Variants in DIS3 observed in about 807,000 individuals in gnomAD.
DIS3 encodes the protein DIS3 exosome endoribonuclease and 3'-5' exoribonuclease.
Under a neutral mutation model 113.0 loss-of-function variants are expected in DIS3, and 103 were observed. The ratio of observed to expected loss-of-function variants is 0.91; its 90% CI spans 0.78 to 1.07. The LOEUF is 1.07. Ranked by LOEUF, DIS3 falls within the 50% of genes least tolerant of loss-of-function variation. The pLI, the probability that DIS3 is intolerant of heterozygous loss-of-function variation, is 0.00. For synonymous variants in DIS3, 402 were observed against 394.3 expected (o/e 1.02, Z -0.23); for missense variants, 1,121 against 1,167.1 (o/e 0.96, Z 0.58).
chr13:72,763,607 C>T lies in DIS3; in HGVS notation c.1971G>A (p.Arg657=), dbSNP rs1383879280. Residue 657 remains arginine, a splice_region_variant and synonymous_variant, in exon 16 of 21, where the codon AGG becomes AGA. Coordinates refer to ENST00000377767, the MANE Select transcript of DIS3 (RefSeq NM_014953.5). ...ATTCTTCAACCATGGAATTTGTTTC[C>T]CTGCCAATGGAAAAAGCATTAAACA... ...DPIDLQTKEL[R]ETNSMVEEFM... The T allele has an allele frequency of 6.2e-7, 1 of 1,607,780 alleles. No homozygotes were observed. Among genetic ancestry groups the T allele is most frequent in the African/African-American group, 1.3e-5 (1 of 74,570 alleles).
At chr13:72,767,208 A>G (rs980669535) in intron 14 of DIS3, among the ~76,000 whole-genome samples, 1 of 152,166 alleles carries the variant, frequency 6.6e-6, no homozygotes, top group African/African-American at 2.4e-5. Context: ...AAATGATTCA[A>G]TGATGTTTTC....
rs370191796 is a variant in DIS3, at chr13:72,771,874, A to G, written c.1526T>C (p.Val509Ala). ...NLEVGVHIAD[V>A]SHFIRPGNAL... ...ATTTCCTGGCCTAATAAAATGGCTC[A>G]CATCAGCAATATGAACACCAACCTT... is the stretch of plus-strand genomic sequence containing the variant. The change falls in exon 11 of 21, where the codon GTG becomes GCG. Residue 509 changes from valine to alanine, a missense_variant. This residue lies in a region of DIS3 where 861 missense variants were observed against 915.5 expected (regional missense o/e 0.94). Transcript: ENST00000377767. 7 of 1,613,652 alleles carry G rather than the reference A, an allele frequency of 4.3e-6. No individual in the cohort carries two copies. Among genetic ancestry groups the G allele is most frequent in the Non-Finnish European group, 5.9e-6 (7 of 1,179,896 alleles).
At position 72,752,556 on chromosome 13, in the gene DIS3, G is replaced by C. The variant is rs976411798; in HGVS notation, c.*7239C>G. 2.0e-5 allele frequency: 3 copies of C among 152,210 alleles called. No individual in the cohort carries two copies. Among genetic ancestry groups the C allele is most frequent in the Admixed American group, 2.0e-4 (3 of 15,280 alleles). The allele number at this position is 152,210 out of a possible 1,614,324, so 9.4% of individuals were successfully genotyped here. On this transcript the variant is annotated 3_prime_UTR_variant, in exon 21 of 21. Coordinates refer to ENST00000377767, the MANE Select transcript of DIS3 (RefSeq NM_014953.5). The stretch of plus-strand genomic sequence containing the variant: ...CATTATAAGCCAGCTATTTGGCAGT[G>C]ATGAATATTAGAAGGAAGAGCTATT...
chr13:72,771,033 A>C, intron 12 of DIS3, 45 bp from the exon 13 acceptor site: 1 of 1,609,304 alleles, frequency 6.2e-7, no homozygotes, highest in Non-Finnish European at 8.5e-7. Flanking sequence ...AATCAGGTTA[A>C]AGTAGTAAAT....
chr13:72,761,811 G>C lies in DIS3; in HGVS notation c.2346C>G (p.Tyr782Ter), dbSNP rs554549593. Residue 782 changes from tyrosine (Y) to a stop codon, truncating the protein, a stop_gained, in exon 18 of 21, where the codon TAC becomes TAG. Coordinates refer to ENST00000377767, the MANE Select transcript of DIS3 (RefSeq NM_014953.5). LOFTEE classifies it high-confidence loss of function. ...AAAGCCGATGAACAATGACATCTGC[G>C]TATCTAGATAGATGGAAAAATAAGA... ...YTHFTSPIRR[Y>*]ADVIVHRLLA... 4 of 1,610,752 alleles carry C rather than the reference G, an allele frequency of 2.5e-6. No individual in the cohort carries two copies. Among genetic ancestry groups the C allele is most frequent in the East Asian group, 4.5e-5 (2 of 44,856 alleles).
chr13:72,765,760 T>G (rs1004351098), intron 15 of DIS3, among the ~76,000 whole-genome samples: 3 of 152,208 alleles, frequency 2.0e-5, no homozygotes, highest in African/African-American at 7.2e-5. Flanking sequence ...AAATTCAAAT[T>G]GAAAGTTTTT....
chr13:72,776,934 T>C (rs1223369010), intron 4 of DIS3, among the ~76,000 whole-genome samples: 1 of 152,214 alleles, frequency 6.6e-6, no homozygotes, highest in African/African-American at 2.4e-5. Flanking sequence ...CCATTACTTT[T>C]TCTTAGCCTG....
At position 72,760,545 on chromosome 13, in the gene DIS3, G is replaced by A; in HGVS notation, c.2777C>T (p.Ser926Phe). 3 of 1,613,504 alleles carry A rather than the reference G, an allele frequency of 1.9e-6. No homozygotes were observed. Among genetic ancestry groups the A allele is most frequent in the Non-Finnish European group, 2.5e-6 (3 of 1,179,660 alleles). Residue 926 changes from serine (S) to phenylalanine (F), a missense_variant, in exon 20 of 21, where the codon TCC becomes TTC. Around this residue, in one of 3 missense-constraint regions of DIS3, gnomAD observed 861 missense variants for 915.5 expected, o/e 0.94. Coordinates refer to ENST00000377767, the MANE Select transcript of DIS3 (RefSeq NM_014953.5). Reference sequence around the variant, plus strand: ...TGGCCTTACCTGTGGTTCTACCAGGGACATTCGGATCTTCTGATGTTGAAG... The same window carrying A: ...TGGCCTTACCTGTGGTTCTACCAGGAACATTCGGATCTTCTGATGTTGAAG... ...SNLQHQKIRM[S>F]LVEPQIPGIS... is the part of the protein sequence containing the mutation.
intron 11 of DIS3, 54 bp from the exon 12 acceptor site, chr13:72,771,199 T>A: frequency 7.2e-7 from 1 of 1,393,580 alleles, no homozygotes; most frequent in South Asian, 1.2e-5. Context: ...CATACATTTA[T>A]GTGAGGTTCT....
chr13:72,767,688 G>A (rs1025021714), intron 14 of DIS3, among the ~76,000 whole-genome samples: 1 of 152,168 alleles, frequency 6.6e-6, no homozygotes, highest in Non-Finnish European at 1.5e-5. Flanking sequence ...TGTGGCTATT[G>A]AGCACTTGAA....
intron 14 of DIS3, among the ~76,000 whole-genome samples, chr13:72,768,067 G>A (rs755731034): frequency 4.6e-5 from 7 of 152,102 alleles, no homozygotes; most frequent in Admixed American, 3.9e-4. Context: ...CTCCTTTTAT[G>A]CAACTTTTAA....
intron 2 of DIS3, among the ~76,000 whole-genome samples, chr13:72,779,943 ATTAT>A (rs1310207433): frequency 1.3e-5 from 2 of 152,190 alleles, no homozygotes; most frequent in Non-Finnish European, 2.9e-5. Flanking sequence ...CTCATCATAG[ATTAT>A]TTATGTAATA....
Position 72,772,304 on chromosome 13 carries a change from A to C in DIS3, c.1387-29T>G, listed in dbSNP as rs978964155. 6 of 1,511,116 alleles carry C rather than the reference A, an allele frequency of 4.0e-6. No homozygotes were observed. The African/African-American group carries it at 8.3e-5, about 21-fold the overall frequency. 93.6% of individuals were successfully genotyped at this position (1,511,116 alleles called of 1,614,324 possible). Reference sequence around the variant, plus strand: ...GAAGACATGAAATGATAAACAAATAAATTATTTCCAAAGCACAACTACAAC... The same window carrying C: ...GAAGACATGAAATGATAAACAAATACATTATTTCCAAAGCACAACTACAAC... On this transcript the variant is annotated intron_variant, in intron 9 of 20. Transcript: ENST00000377767.
rs540161006 is a variant in DIS3, at chr13:72,778,068, G to T, written c.580+119C>A. 16 of 883,256 alleles carry T rather than the reference G, an allele frequency of 1.8e-5. No homozygotes were observed. The Admixed American group carries it at 1.9e-4, about 10-fold the overall frequency. 54.7% of individuals were successfully genotyped at this position (883,256 alleles called of 1,614,324 possible). On this transcript the variant is annotated intron_variant, in intron 3 of 20. Transcript: ENST00000377767. The stretch of plus-strand genomic sequence containing the variant: ...ATTTAAAAATACAAAAATATCACAT[G>T]AAGTTATATAGGACTACGAAAATAC...
At chr13:72,776,244 G>T in intron 4 of DIS3, 152 bp from the exon 5 acceptor site, 3 of 695,474 alleles carry the variant, frequency 4.3e-6, no homozygotes, top group Non-Finnish European at 6.4e-6. Context: ...TTATAGGCCA[G>T]TGCTAACAAA....
intron 16 of DIS3, among the ~76,000 whole-genome samples, chr13:72,762,677 C>A (rs755602056): frequency 1.3e-5 from 2 of 152,148 alleles, no homozygotes; most frequent in Non-Finnish European, 2.9e-5. Context: ...GGGGTAAGCA[C>A]CCCTAAATGA....
At chr13:72,771,771 A>C (rs768713051) in intron 11 of DIS3, 24 bp downstream of exon 11, 12 of 1,606,884 alleles carry the variant, frequency 7.5e-6, no homozygotes, top group African/African-American at 1.3e-5. Context: ...ATGACTGTTA[A>C]ATTTTTAAAT....
chr13:72,764,155 AAAC>A (rs1471680324), intron 15 of DIS3, among the ~76,000 whole-genome samples: 1 of 152,138 alleles, frequency 6.6e-6, no homozygotes, highest in Non-Finnish European at 1.5e-5. Flanking sequence ...CTGTGTCAAA[AAAC>A]AACAACAAAA....
Position 72,755,809 on chromosome 13 carries a change from G to A in DIS3, c.*3986C>T. ...TTTTAAGTATGTAAATACTAGAAAG[G>A]TAGTACTAGTGACATCATCACGTGT... On this transcript the variant is annotated 3_prime_UTR_variant, in exon 21 of 21. Coordinates refer to ENST00000377767, the MANE Select transcript of DIS3 (RefSeq NM_014953.5). 2.5e-6 allele frequency: 1 copy of A among 398,524 alleles called. No homozygotes were observed. Among genetic ancestry groups the A allele is most frequent in the Non-Finnish European group, 4.4e-6 (1 of 226,062 alleles). The allele number at this position is 398,524 out of a possible 1,614,324, so 24.7% of individuals were successfully genotyped here. A position where few individuals can be genotyped will look rare whatever the true frequency, so the allele number is the denominator to read the frequency against.
Sources: allele counts gnomAD v4.1 joint callset (sites outside exome capture counted in the v4.1 genomes callset), GRCh38; gene constraint gnomAD v4.1.1; regional missense constraint gnomAD v4.1.1; transcripts MANE v1.5; gene names NCBI Gene and HGNC (gene_info 2026-07-23, HGNC 2026-07-21).